HEXA: variants seen among roughly 807,000 people sequenced by gnomAD.
HEXA encodes beta-hexosaminidase subunit alpha.
HEXA carries 54 observed loss-of-function variants against 73.3 expected under a neutral mutation model. The ratio of observed to expected loss-of-function variants is 0.74; its 90% CI spans 0.59 to 0.92. The LOEUF (loss-of-function observed/expected upper bound fraction) is 0.92, where lower values mean the gene tolerates loss of function less well. HEXA is among the 40% of genes least tolerant of loss of function. The probability of loss-of-function intolerance (pLI) is 0.00; values close to 1 mark genes in which losing one functional copy is unlikely to be tolerated. For missense variants in HEXA, 649 were observed against 653.0 expected (o/e 0.99, Z 0.07); for synonymous variants, 230 against 246.9 (o/e 0.93, Z 0.64).
At chr15:72,348,985 A>G in intron 8 of HEXA, 94 bp downstream of exon 8, 1 of 994,092 alleles carries the variant, frequency 1.0e-6, no homozygotes. Flanking sequence ...GACCCCTGAG[A>G]GCAGCAGCTG....
At chr15:72,350,793 T>G (rs2088684871) in intron 6 of HEXA, 143 bp from the exon 7 acceptor site, 4 of 832,044 alleles carry the variant, frequency 4.8e-6, no homozygotes, top group African/African-American at 1.7e-5. Context: ...TCAAAAAACT[T>G]GATCATAATT....
intron 13 of HEXA, 132 bp from the exon 14 acceptor site, chr15:72,344,272 C>A (rs2088583106): frequency 1.4e-6 from 1 of 704,894 alleles, no homozygotes; most frequent in African/African-American, 1.8e-5. Context: ...ACCAAATGCA[C>A]CTGGGAATCT....
chr15:72,347,727 C>T lies in HEXA; in HGVS notation c.1105G>A (p.Gly369Ser). Residue 369 changes from glycine (G) to serine (S), a missense_variant, in exon 10 of 14, where the codon GGC becomes AGC. By Grantham distance (56) the Gly-to-Ser change is moderately conservative. Coordinates refer to ENST00000268097, the MANE Select transcript of HEXA (RefSeq NM_000520.6). ...AACACCTCCTGCCACACCACATAGCCCTTGCCATAAGAAGAGACGATGTCC... is the reference window on the plus strand; with the variant it reads ...AACACCTCCTGCCACACCACATAGCTCTTGCCATAAGAAGAGACGATGTCC... Reference protein sequence around the residue: ...LLDIVSSYGKGYVVWQEVFDN... With the variant: ...LLDIVSSYGKSYVVWQEVFDN... 6.2e-7 allele frequency: 1 copy of T among 1,614,214 alleles called. No individual in the cohort carries two copies. Among genetic ancestry groups the T allele is most frequent in the Non-Finnish European group, 8.5e-7 (1 of 1,180,038 alleles).
At position 72,345,500 on chromosome 15, in the gene HEXA, G is replaced by C; in HGVS notation, c.1472C>G (p.Ser491Cys). The C allele has an allele frequency of 6.2e-7, 1 of 1,614,264 alleles. No individual in the cohort carries two copies. Among genetic ancestry groups the C allele is most frequent in the Non-Finnish European group, 8.5e-7 (1 of 1,180,036 alleles). Residue 491 changes from serine (S) to cysteine (C), a missense_variant, in exon 13 of 14, where the codon TCT becomes TGT. Physicochemically the swap from Ser to Cys is moderately radical, Grantham distance 112 (BLOSUM62 -1). Transcript: ENST00000268097. Reference protein sequence around the residue: ...AERLWSNKLTSDLTFAYERLS... With the variant: ...AERLWSNKLTCDLTFAYERLS... ...ACGTTCATAGGCAAATGTCAGGTCA[G>C]ATGTCAACTTGTTGCTCCACAGCCT...
At position 72,351,137 on chromosome 15, in the gene HEXA, C is replaced by T. The variant is rs749422284; in HGVS notation, c.668G>A (p.Arg223Lys). 3.1e-6 allele frequency: 5 copies of T among 1,595,034 alleles called. No homozygotes were observed. The highest frequency in any genetic ancestry group is 4.3e-6 in the Non-Finnish European group (5 of 1,162,536). ...YESFTFPELM[R>K]KGSYNPVTHI... ...CTGAGTGAAACGGGAACATACCTTTCTCATGAGCTCTGGAAAAGTGAAGCT... is the reference window on the plus strand; with the variant it reads ...CTGAGTGAAACGGGAACATACCTTTTTCATGAGCTCTGGAAAAGTGAAGCT... The change falls in exon 6 of 14, where the codon AGA becomes AAA. Residue 223 changes from arginine to lysine, a missense_variant. Arg to Lys is a conservative substitution (Grantham distance 26, BLOSUM62 2). Coordinates refer to ENST00000268097, the MANE Select transcript of HEXA (RefSeq NM_000520.6).
intron 2 of HEXA, 57 bp downstream of exon 2, chr15:72,356,468 G>A: frequency 1.3e-6 from 2 of 1,598,444 alleles, no homozygotes; most frequent in Non-Finnish European, 1.7e-6. Context: ...GCCATCCAGA[G>A]TTACAGCTTC....
intron 1 of HEXA, chr15:72,370,602 C>T (rs946958460): frequency 2.0e-5 from 8 of 395,314 alleles, no homozygotes; most frequent in South Asian, 1.3e-4. Context: ...ATCAGTGAGG[C>T]GGGAAGACTG....
intron 1 of HEXA, among the ~76,000 whole-genome samples, chr15:72,373,716 A>G (rs1457427458): frequency 6.6e-6 from 1 of 152,176 alleles, no homozygotes; most frequent in Non-Finnish European, 1.5e-5. Flanking sequence ...TATAGGAATT[A>G]GGTATGGCGC....
chr15:72,372,845 C>G (rs970191703), intron 1 of HEXA, among the ~76,000 whole-genome samples: 1 of 152,180 alleles, frequency 6.6e-6, no homozygotes, highest in Non-Finnish European at 1.5e-5. Context: ...AGGAAAAACA[C>G]TGGGCTGGTC....
chr15:72,344,426 C>T (rs1054696890), intron 13 of HEXA, among the ~76,000 whole-genome samples: 2 of 152,168 alleles, frequency 1.3e-5, no homozygotes, highest in Admixed American at 6.5e-5. Flanking sequence ...CATCTCTGTA[C>T]CCTAACCCCA....
At chr15:72,370,630 G>A (rs1283423253) in intron 1 of HEXA, 2 of 397,208 alleles carry the variant, frequency 5.0e-6, no homozygotes, top group Non-Finnish European at 4.4e-6. Context: ...CCTGGAGTTC[G>A]AGGTTGCTGT....
rs919848648 is a variant in HEXA, at chr15:72,341,456, T to C, written c.*2621A>G. ...CTCTCCCAGTCTCCATTCACTCCTTTGCTTTGATACCCGTTAGGCCTGCTT... is the reference window on the plus strand; with the variant it reads ...CTCTCCCAGTCTCCATTCACTCCTTCGCTTTGATACCCGTTAGGCCTGCTT... On this transcript the variant is annotated 3_prime_UTR_variant, in exon 14 of 14. Transcript: ENST00000268097. The C allele has an allele frequency of 6.6e-6, 1 of 150,706 alleles. No homozygotes were observed. Among genetic ancestry groups the C allele is most frequent in the African/African-American group, 2.4e-5 (1 of 40,830 alleles). The allele number at this position is 150,706 out of a possible 1,614,324, so 9.3% of individuals were successfully genotyped here.
chr15:72,365,712 T>C (rs1471779616), intron 1 of HEXA, among the ~76,000 whole-genome samples: 5 of 152,224 alleles, frequency 3.3e-5, no homozygotes, highest in Non-Finnish European at 4.4e-5. Flanking sequence ...CCCAATTGGA[T>C]AACCAGTCAT....
intron 1 of HEXA, among the ~76,000 whole-genome samples, chr15:72,369,462 C>T (rs1330445936): frequency 6.6e-6 from 1 of 152,146 alleles, no homozygotes; most frequent in African/African-American, 2.4e-5. Context: ...ATTTTCAGGA[C>T]CAGTAGAAGA....
At chr15:72,366,938 G>GT (rs575978880) in intron 1 of HEXA, among the ~76,000 whole-genome samples, 202 of 147,444 alleles carry the variant, frequency 1.4e-3, no homozygotes, top group South Asian at 3.0e-3. Context: ...TAATTTCACT[G>GT]TTTTTTTTTT....
At chr15:72,371,783 T>C (rs975458792) in intron 1 of HEXA, among the ~76,000 whole-genome samples, 1 of 152,170 alleles carries the variant, frequency 6.6e-6, no homozygotes, top group African/African-American at 2.4e-5. Flanking sequence ...AACTATGCCA[T>C]TTATTAATTT....
Position 72,351,209 on chromosome 15 carries a change from T to C in HEXA, c.596A>G (p.Asn199Ser), listed in dbSNP as rs1345279330. The C allele has an allele frequency of 6.2e-7, 1 of 1,611,626 alleles. No homozygotes were observed. ...TLDVMAYNKL[N>S]VFHWHLVDDP... ...ATCTACCAGATGCCAGTGGAACACG[T>C]TCAATTTATTGTACGCCATGACATC... The change falls in exon 6 of 14, where the codon AAC becomes AGC. Residue 199 changes from asparagine (N) to serine (S), a missense_variant. Asn to Ser is a conservative substitution (Grantham distance 46). Coordinates refer to ENST00000268097, the MANE Select transcript of HEXA (RefSeq NM_000520.6).
At chr15:72,350,826 T>G in intron 6 of HEXA, 176 bp from the exon 7 acceptor site, 3 of 673,816 alleles carry the variant, frequency 4.5e-6, no homozygotes, top group Non-Finnish European at 5.3e-6. Context: ...TCACATCTGT[T>G]TTATCTGAGT....
Position 72,347,356 on chromosome 15 carries a change from C to G in HEXA, c.1146+330G>C, listed in dbSNP as rs12910617. ...GGCACATCTTGGCTCACAGCAACCT[C>G]TGCCTCCTGGGCTCAAGCAGTACCC... is the stretch of plus-strand genomic sequence containing the variant. On this transcript the variant is annotated intron_variant, in intron 10 of 13. Transcript: ENST00000268097. 0.13 allele frequency among the ~76,000 whole-genome samples: 19,074 copies of G among 150,826 alleles called. 1,792 individuals are homozygous for G. Among genetic ancestry groups the G allele is most frequent in the African/African-American group, 0.25 (10,462 of 41,250 alleles).
Sources: gnomAD v4.1 joint callset for allele counts (sites outside exome capture counted in the v4.1 genomes callset) on GRCh38, gnomAD v4.1.1 for gene constraint, MANE v1.5 for transcripts, NCBI Gene and HGNC (gene_info 2026-07-23, HGNC 2026-07-21) for gene names.